The following WDR88 variants were observed in gnomAD, a reference collection of about 807,000 sequenced individuals.
The protein encoded by WDR88 is WD repeat-containing protein 88.
Under a neutral mutation model 46.8 loss-of-function variants are expected in WDR88, and 40 were observed. The observed-to-expected ratio is 0.86, with a 90% confidence interval of 0.66 to 1.11. The LOEUF is 1.11. Ranked by LOEUF, WDR88 falls within the 50% of genes most tolerant of loss-of-function variation. The probability of loss-of-function intolerance (pLI) is 0.00; values close to 1 mark genes in which losing one functional copy is unlikely to be tolerated. For missense variants in WDR88, 562 were observed against 602.4 expected, an observed-to-expected ratio of 0.93 and a Z score of 0.70; for synonymous variants, 235 against 240.7, an observed-to-expected ratio of 0.98 and a Z score of 0.22.
chr19:33,158,761 G>A (rs148795652), intron 7 of WDR88, among the ~76,000 whole-genome samples: 20 of 152,286 alleles, frequency 1.3e-4, no homozygotes, highest in Middle Eastern at 6.8e-3. Context: ...GCGCAGTTGC[G>A]CGATCTTGGC....
At chr19:33,174,904 C>A in intron 10 of WDR88, 1 of 985,426 alleles carries the variant, frequency 1.0e-6, no homozygotes, top group African/African-American at 1.7e-5. Context: ...AGCCTGTGCT[C>A]ATTCTCTCTG....
At chr19:33,155,430 T>C (rs1416083968) in intron 6 of WDR88, among the ~76,000 whole-genome samples, 1 of 152,164 alleles carries the variant, frequency 6.6e-6, no homozygotes, top group East Asian at 1.9e-4. Context: ...CATGAGCCAC[T>C]GCACCCAGCC....
chr19:33,150,318 G>A (rs1294168969), intron 5 of WDR88, among the ~76,000 whole-genome samples: 8 of 152,204 alleles, frequency 5.3e-5, no homozygotes, highest in Admixed American at 5.2e-4. Flanking sequence ...CGGGCGTGGT[G>A]GCGGGCACCT....
intron 9 of WDR88, among the ~76,000 whole-genome samples, chr19:33,169,338 G>A (rs984002887): frequency 1.3e-5 from 2 of 152,158 alleles, no homozygotes; most frequent in Non-Finnish European, 2.9e-5. Flanking sequence ...TGCACATCAT[G>A]TATCTGATAA....
At chr19:33,135,002 A>G (rs920379795) in intron 1 of WDR88, among the ~76,000 whole-genome samples, 3 of 120,422 alleles carry the variant, frequency 2.5e-5, no homozygotes, top group Non-Finnish European at 1.7e-5. Context: ...CCACCCCCAC[A>G]CTTCCGCAGC....
intron 4 of WDR88, 124 bp downstream of exon 4, chr19:33,147,832 C>A: frequency 3.8e-6 from 3 of 798,334 alleles, no homozygotes; most frequent in Admixed American, 2.8e-5. Flanking sequence ...AGGAAGGAGG[C>A]ATGTTCCTGG....
intron 3 of WDR88, 103 bp from the exon 4 acceptor site, chr19:33,147,542 G>T: frequency 1.9e-6 from 2 of 1,071,016 alleles, no homozygotes; most frequent in East Asian, 2.6e-5. Flanking sequence ...GGTGGAGGTT[G>T]CAGTGAGCCG....
At chr19:33,136,900 T>G (rs1648423128) in intron 1 of WDR88, among the ~76,000 whole-genome samples, 1 of 151,566 alleles carries the variant, frequency 6.6e-6, no homozygotes, top group African/African-American at 2.4e-5. Context: ...TTTGGAGATA[T>G]ATCTATTCAA....
At chr19:33,151,399 G>T in intron 6 of WDR88, 89 bp downstream of exon 6, 1 of 1,493,398 alleles carries the variant, frequency 6.7e-7, no homozygotes, top group South Asian at 1.3e-5. Context: ...CAGCATCCAT[G>T]TGGACACGTC....
At chr19:33,154,626 A>G (rs1973700259) in intron 6 of WDR88, among the ~76,000 whole-genome samples, 1 of 152,230 alleles carries the variant, frequency 6.6e-6, no homozygotes, top group South Asian at 2.1e-4. Context: ...TTGGGTTGAC[A>G]CGAAGTCTTT....
intron 2 of WDR88, among the ~76,000 whole-genome samples, chr19:33,138,695 T>G (rs1285440837): frequency 6.7e-6 from 1 of 149,502 alleles, no homozygotes; most frequent in Non-Finnish European, 1.5e-5. Context: ...TTCTTTTTTT[T>G]TTTTTTGAGA....
intron 6 of WDR88, among the ~76,000 whole-genome samples, chr19:33,154,901 C>A (rs1438074285): frequency 6.6e-6 from 1 of 152,092 alleles, no homozygotes. Context: ...TTTCAAAGAA[C>A]CAAAATGGGT....
rs764944367 is a variant in WDR88 at position 33,156,356 on chromosome 19, G to A, written c.811G>A (p.Ala271Thr). The change falls in exon 7 of 11, where the codon GCA (alanine) becomes ACA (threonine). Residue 271 changes from alanine (A) to threonine (T), a missense_variant and splice_region_variant. Physicochemically the swap from Ala to Thr is moderately conservative, Grantham distance 58. Transcript: ENST00000355868. ...TGCACCCCACCATCTGTGTTTCAGG[G>A]CACATTCCAATGCAATCTCAAACTG... ...SQATLLTITK[A>T]HSNAISNCCF... 4 of 1,613,592 alleles carry A rather than the reference G, an allele frequency of 2.5e-6. No individual in the cohort carries two copies. In the South Asian group the frequency reaches 4.4e-5, roughly 18 times the overall value.
At chr19:33,167,692 CCTTT>C (rs934477751) in intron 9 of WDR88, among the ~76,000 whole-genome samples, 52 of 151,548 alleles carry the variant, frequency 3.4e-4, no homozygotes, top group African/African-American at 1.0e-3. Flanking sequence ...TTCCTTCTGT[CCTTT>C]CTTTCTTCCT....
Position 33,156,609 on chromosome 19 carries a change from G to A in WDR88, c.997+67G>A, listed in dbSNP as rs534622986. The A allele has an allele frequency of 3.0e-5, 46 of 1,511,122 alleles. No individual in the cohort carries two copies. The Admixed American group carries it at 5.2e-4, about 17-fold the overall frequency. 93.6% of individuals were successfully genotyped at this position (1,511,122 alleles called of 1,614,324 possible). A position where few individuals can be genotyped will look rare whatever the true frequency, so the allele number is the denominator to read the frequency against. ...TGCTGGGCAGAGTTCTCCATGTTCCGTTCAAATGGACAGAGAGGCAATTTC... is the reference window on the plus strand; with the variant it reads ...TGCTGGGCAGAGTTCTCCATGTTCCATTCAAATGGACAGAGAGGCAATTTC... On this transcript the variant is annotated intron_variant, in intron 7 of 10. Coordinates refer to ENST00000355868, the MANE Select transcript of WDR88 (RefSeq NM_173479.4).
chr19:33,144,042 C>T (rs1973457843), intron 2 of WDR88, among the ~76,000 whole-genome samples: 1 of 152,140 alleles, frequency 6.6e-6, no homozygotes, highest in Admixed American at 6.6e-5. Flanking sequence ...GTGGGCCGAT[C>T]TCTGCACAGC....
intron 3 of WDR88, among the ~76,000 whole-genome samples, chr19:33,145,178 A>G (rs2145378022): frequency 6.6e-6 from 1 of 151,936 alleles, no homozygotes. Context: ...TTATTTAGAC[A>G]GGATTCTGCT....
Position 33,175,675 on chromosome 19 carries a change from C to A in WDR88, c.*103C>A. On this transcript the variant is annotated 3_prime_UTR_variant, in exon 11 of 11. Transcript: ENST00000355868. ...TTGGGCCCCTCCCAGGCTCAGCAGG[C>A]CTGTCAGACTGGGGCAGGACCCAAG... The A allele has an allele frequency of 1.4e-6, 2 of 1,431,920 alleles. No homozygotes were observed. Among genetic ancestry groups the A allele is most frequent in the Non-Finnish European group, 1.9e-6 (2 of 1,044,286 alleles). 88.7% of individuals were successfully genotyped at this position (1,431,920 alleles called of 1,614,324 possible).
At position 33,132,271 on chromosome 19, in the gene WDR88, C is replaced by T. The variant is rs1474562477; in HGVS notation, c.102C>T (p.Ser34=). Reference sequence around the variant, plus strand: ...GCGAGTATTGTCCCGGCAAGCTGTCCTGGGGGACCATGGCGAGGGCCTTAG... The same window carrying T: ...GCGAGTATTGTCCCGGCAAGCTGTCTTGGGGGACCATGGCGAGGGCCTTAG... ...PASEYCPGKL[S]WGTMARALGR... Residue 34 remains serine, a synonymous_variant, in exon 1 of 11, where the codon TCC becomes TCT. Coordinates refer to ENST00000355868, the MANE Select transcript of WDR88 (RefSeq NM_173479.4). 3 of 1,613,520 alleles carry T rather than the reference C, an allele frequency of 1.9e-6. No individual in the cohort carries two copies. In the South Asian group the frequency reaches 3.3e-5, roughly 18 times the overall value.
Sources: allele counts gnomAD v4.1 joint callset (sites outside exome capture counted in the v4.1 genomes callset), GRCh38; gene constraint gnomAD v4.1.1; transcripts MANE v1.5; gene names NCBI Gene and HGNC (gene_info 2026-07-23, HGNC 2026-07-21).